The following MCTP1 variants were observed in gnomAD, a reference collection of about 807,000 sequenced individuals.
MCTP1 encodes the protein multiple C2 and transmembrane domain containing 1, also known as multiple C2 and transmembrane domain-containing protein 1.
In MCTP1, 69 loss-of-function variants were observed where a neutral mutation model predicts 120.6. That is an observed-to-expected ratio of 0.57 (90% CI 0.47 to 0.70). The LOEUF (loss-of-function observed/expected upper bound fraction) is 0.70, where lower values mean the gene tolerates loss of function less well. Among genes scored for constraint, MCTP1 ranks in the 30% least tolerant of loss-of-function variants. The pLI is 0.00. For missense variants in MCTP1, 1,203 were observed against 1,248.8 expected (o/e 0.96, Z 0.55); for synonymous variants, 529 against 493.1 (o/e 1.07, Z -0.96).
intron 1 of MCTP1, among the ~76,000 whole-genome samples, chr5:95,069,205 A>G (rs1468099700): frequency 6.6e-6 from 1 of 152,154 alleles, no homozygotes; most frequent in Non-Finnish European, 1.5e-5. Flanking sequence ...AGCTGCAAGG[A>G]CTGTCAAATT....
intron 12 of MCTP1, among the ~76,000 whole-genome samples, chr5:94,882,375 C>T (rs939210755): frequency 1.3e-5 from 2 of 151,886 alleles, no homozygotes; most frequent in Non-Finnish European, 2.9e-5. Flanking sequence ...TAGTCATTCA[C>T]GAGTCCAACT....
intron 1 of MCTP1, among the ~76,000 whole-genome samples, chr5:95,274,113 T>C (rs1759622030): frequency 6.6e-6 from 1 of 152,210 alleles, no homozygotes; most frequent in Non-Finnish European, 1.5e-5. Context: ...CCCTCATATC[T>C]GGCCACACCT....
chr5:94,763,983 T>C (rs1217906879), intron 19 of MCTP1, among the ~76,000 whole-genome samples: 2 of 152,194 alleles, frequency 1.3e-5, no homozygotes, highest in Non-Finnish European at 2.9e-5. Context: ...CCCAAAATCA[T>C]AGAGGCTTAT....
chr5:94,887,510 A>T (rs1801609589), intron 12 of MCTP1, among the ~76,000 whole-genome samples: 1 of 152,188 alleles, frequency 6.6e-6, no homozygotes, highest in South Asian at 2.1e-4. Flanking sequence ...CATTTTTCTA[A>T]AAGAAATGAT....
intron 2 of MCTP1, among the ~76,000 whole-genome samples, chr5:95,009,682 A>C (rs1463079846): frequency 6.6e-6 from 1 of 152,132 alleles, no homozygotes; most frequent in African/African-American, 2.4e-5. Context: ...GGAACTTTCC[A>C]ATTGCAGCAG....
chr5:94,776,416 CT>C, intron 19 of MCTP1, among the ~76,000 whole-genome samples: 1 of 152,196 alleles, frequency 6.6e-6, no homozygotes, highest in Non-Finnish European at 1.5e-5. Flanking sequence ...AACAGGTGCT[CT>C]CATTCTGTGC....
At chr5:95,089,056 T>C (rs1755654175) in intron 1 of MCTP1, among the ~76,000 whole-genome samples, 1 of 152,198 alleles carries the variant, frequency 6.6e-6, no homozygotes, top group African/African-American at 2.4e-5. Context: ...GTCATATCAT[T>C]CCTCTTTATT....
At chr5:94,999,862 C>T (rs1353354503) in intron 2 of MCTP1, among the ~76,000 whole-genome samples, 2 of 152,162 alleles carry the variant, frequency 1.3e-5, no homozygotes, top group Admixed American at 6.5e-5. Context: ...GGAATCCCCC[C>T]ACACACATAG....
chr5:95,059,710 GGA>G (rs1379757191), intron 1 of MCTP1, among the ~76,000 whole-genome samples: 79 of 126,710 alleles, frequency 6.2e-4, no homozygotes, highest in African/African-American at 2.3e-3. Flanking sequence ...AGAAATAAGA[GGA>G]GAAGAGTAGA....
chr5:95,071,113 C>T (rs1452019466), intron 1 of MCTP1, among the ~76,000 whole-genome samples: 1 of 152,152 alleles, frequency 6.6e-6, no homozygotes, highest in Non-Finnish European at 1.5e-5. Context: ...ATCTGAGCAG[C>T]AATTCACATA....
rs138102789 is a variant in MCTP1 at position 94,787,500 on chromosome 5, ACTTACAAGGGAACT to A, written c.2557-8351_2557-8338del. On this transcript the variant is annotated intron_variant, in intron 18 of 22. Transcript: ENST00000515393. ...ATGAAAAACCATTCTCTTCCACAGGACTTACAAGGGAACTCTTCAAGAGAGATAGTGACATATAA... is the reference window on the plus strand; with the variant it reads ...ATGAAAAACCATTCTCTTCCACAGGACTTCAAGAGAGATAGTGACATATAA... Among the ~76,000 whole-genome samples the A allele has an allele frequency of 5.0e-3, 757 of 152,276 alleles. 4 individuals are homozygous for A. The highest frequency in any genetic ancestry group is 0.018 in the African/African-American group (746 of 41,538).
At position 95,058,038 on chromosome 5, in the gene MCTP1, G is replaced by A. The variant is rs530624953; in HGVS notation, c.721-40554C>T. Among the ~76,000 whole-genome samples, 11 of 152,208 alleles carry A rather than the reference G, an allele frequency of 7.2e-5. No homozygotes were observed. In the East Asian group the frequency reaches 7.7e-4, roughly 11 times the overall value. ...ACAACAACAACAAAAAACCTAACCA[G>A]GCTTCTCAAGATAATCAGTGCTCTG... On this transcript the variant is annotated intron_variant, in intron 1 of 22. Coordinates refer to ENST00000515393, the MANE Select transcript of MCTP1 (RefSeq NM_024717.7).
At chr5:94,883,842 T>C (rs889653453) in intron 12 of MCTP1, among the ~76,000 whole-genome samples, 9 of 152,240 alleles carry the variant, frequency 5.9e-5, no homozygotes, top group African/African-American at 2.2e-4. Context: ...GCATATGTCT[T>C]AAGCTATTTG....
At chr5:95,264,690 C>A (rs894123012) in intron 1 of MCTP1, among the ~76,000 whole-genome samples, 1 of 152,298 alleles carries the variant, frequency 6.6e-6, no homozygotes, top group Admixed American at 6.5e-5. Context: ...GTCCAAAGCA[C>A]CCCCTGGCCA....
chr5:94,989,189 C>T (rs986413910), intron 2 of MCTP1, among the ~76,000 whole-genome samples: 14 of 152,156 alleles, frequency 9.2e-5, no homozygotes, highest in African/African-American at 3.4e-4. Flanking sequence ...CCTCAGCTTC[C>T]CAAAGTGCTT....
At position 94,834,229 on chromosome 5, in the gene MCTP1, A is replaced by G. The variant is rs77597118; in HGVS notation, c.2436+34104T>C. ...GAGGAAGCTTTCCCAAGTGTGTATTATTTTGTCTGCCCAGTCTGCATTGAA... is the reference window on the plus strand; with the variant it reads ...GAGGAAGCTTTCCCAAGTGTGTATTGTTTTGTCTGCCCAGTCTGCATTGAA... On this transcript the variant is annotated intron_variant, in intron 17 of 22. Coordinates refer to ENST00000515393, the MANE Select transcript of MCTP1 (RefSeq NM_024717.7). Among the ~76,000 whole-genome samples the G allele has an allele frequency of 8.7e-3, 1,331 of 152,266 alleles. 12 individuals are homozygous for G. Among genetic ancestry groups the G allele is most frequent in the African/African-American group, 0.031 (1,277 of 41,548 alleles).
intron 17 of MCTP1, among the ~76,000 whole-genome samples, chr5:94,824,750 C>A (rs562473616): frequency 2.6e-5 from 4 of 152,224 alleles, no homozygotes; most frequent in African/African-American, 9.6e-5. Flanking sequence ...GCAATTACTT[C>A]CTGGTTTAGT....
At chr5:95,054,957 G>A (rs1365962495) in intron 1 of MCTP1, among the ~76,000 whole-genome samples, 1 of 151,970 alleles carries the variant, frequency 6.6e-6, no homozygotes, top group Non-Finnish European at 1.5e-5. Flanking sequence ...ACAGGTATAC[G>A]CCACCACACC....
chr5:95,208,361 G>T (rs1403554489), intron 1 of MCTP1, among the ~76,000 whole-genome samples: 1 of 152,130 alleles, frequency 6.6e-6, no homozygotes, highest in East Asian at 1.9e-4. Flanking sequence ...AAAGAGCTGG[G>T]ATTACAGGCG....
Sources: gnomAD v4.1 joint callset for allele counts (sites outside exome capture counted in the v4.1 genomes callset) on GRCh38, gnomAD v4.1.1 for gene constraint, MANE v1.5 for transcripts, NCBI Gene and HGNC (gene_info 2026-07-23, HGNC 2026-07-21) for gene names.